The following CSMD1 variants were observed in gnomAD, a reference collection of about 807,000 sequenced individuals.
CSMD1 encodes CUB and sushi domain-containing protein 1.
CSMD1 carries 213 observed loss-of-function variants against 417.5 expected under a neutral mutation model. The ratio of observed to expected loss-of-function variants is 0.51; its 90% CI spans 0.46 to 0.57. CSMD1 has a LOEUF of 0.57. CSMD1 is among the 20% of genes least tolerant of loss of function. The probability of loss-of-function intolerance (pLI) is 0.00; values close to 1 mark genes in which losing one functional copy is unlikely to be tolerated. For synonymous variants in CSMD1, 2,862 were observed against 1,736.8 expected (o/e 1.65, Z -16.11); for missense variants, 6,923 against 4,529.7 (o/e 1.53, Z -15.17).
At chr8:4,391,199 G>C (rs577692676) in intron 3 of CSMD1, among the ~76,000 whole-genome samples, 126 of 152,264 alleles carry the variant, frequency 8.3e-4, no homozygotes, top group African/African-American at 2.9e-3. Flanking sequence ...TTCCTGAAAA[G>C]TTGCATTTCA....
chr8:3,710,056 C>T (rs552761499), intron 6 of CSMD1, among the ~76,000 whole-genome samples: 1 of 152,042 alleles, frequency 6.6e-6, no homozygotes, highest in African/African-American at 2.4e-5. Context: ...TTACCAATAA[C>T]ATAAACAGTT....
At chr8:4,045,719 C>G (rs1483338322) in intron 3 of CSMD1, among the ~76,000 whole-genome samples, 1 of 152,150 alleles carries the variant, frequency 6.6e-6, no homozygotes, top group Non-Finnish European at 1.5e-5. Context: ...GATTCAAAGA[C>G]TAAAATAAAA....
At chr8:3,744,410 G>A (rs1272023644) in intron 6 of CSMD1, among the ~76,000 whole-genome samples, 1 of 152,104 alleles carries the variant, frequency 6.6e-6, no homozygotes, top group African/African-American at 2.4e-5. Flanking sequence ...ATTACATGAG[G>A]TTTTATTCCA....
intron 3 of CSMD1, among the ~76,000 whole-genome samples, chr8:4,155,895 G>C (rs1369565053): frequency 1.3e-5 from 2 of 152,160 alleles, no homozygotes; most frequent in African/African-American, 2.4e-5. Flanking sequence ...TCTGTTCCCA[G>C]TAAGTGCGGG....
intron 4 of CSMD1, among the ~76,000 whole-genome samples, chr8:4,003,660 T>C (rs1259692603): frequency 6.6e-6 from 1 of 152,060 alleles, no homozygotes; most frequent in Non-Finnish European, 1.5e-5. Flanking sequence ...ATACGAAGAG[T>C]AAAACTGATC....
chr8:3,578,648 A>T (rs1280562139), intron 9 of CSMD1, among the ~76,000 whole-genome samples: 2 of 151,970 alleles, frequency 1.3e-5, no homozygotes, highest in African/African-American at 4.8e-5. Context: ...CTCTCTCTTC[A>T]CTCATGGACT....
At chr8:3,945,942 A>G (rs1476254351) in intron 5 of CSMD1, among the ~76,000 whole-genome samples, 2 of 152,138 alleles carry the variant, frequency 1.3e-5, no homozygotes, top group East Asian at 3.8e-4. Context: ...CATGATTATT[A>G]TTACTAATAA....
At chr8:3,384,703 T>C (rs1304824111) in intron 18 of CSMD1, among the ~76,000 whole-genome samples, 2 of 97,384 alleles carry the variant, frequency 2.1e-5, no homozygotes, top group Non-Finnish European at 3.8e-5. Context: ...ATATAAATTA[T>C]ATATAAATAT....
At chr8:4,438,877 A>G (rs1444130665) in intron 2 of CSMD1, among the ~76,000 whole-genome samples, 1 of 152,216 alleles carries the variant, frequency 6.6e-6, no homozygotes, top group Non-Finnish European at 1.5e-5. Context: ...CCTTGAAAGC[A>G]TTAGATTACC....
At chr8:4,971,456 G>C (rs535750522) in intron 1 of CSMD1, among the ~76,000 whole-genome samples, 2 of 151,876 alleles carry the variant, frequency 1.3e-5, no homozygotes, top group Admixed American at 6.6e-5. Context: ...CTTCTGAAAG[G>C]AAAGCTGGCA....
chr8:3,821,084 T>C (rs59966023), intron 5 of CSMD1, among the ~76,000 whole-genome samples: 5,503 of 151,738 alleles, frequency 0.036, 292 homozygotes, highest in African/African-American at 0.11. Flanking sequence ...ACCTGGTTAC[T>C]TTTTTGTATT....
At chr8:4,715,770 G>C (rs573585887) in intron 1 of CSMD1, among the ~76,000 whole-genome samples, 9 of 152,120 alleles carry the variant, frequency 5.9e-5, no homozygotes, top group Middle Eastern at 3.4e-3. Flanking sequence ...AGCAAATTCT[G>C]TTATCTCCCC....
chr8:3,651,709 T>A (rs1305018159), intron 7 of CSMD1, among the ~76,000 whole-genome samples: 1 of 151,922 alleles, frequency 6.6e-6, no homozygotes, highest in Non-Finnish European at 1.5e-5. Context: ...CTTACCACCA[T>A]CACAGTGCTT....
At chr8:3,822,516 A>C (rs1357744876) in intron 5 of CSMD1, among the ~76,000 whole-genome samples, 1 of 152,246 alleles carries the variant, frequency 6.6e-6, no homozygotes, top group Non-Finnish European at 1.5e-5. Context: ...CATGCACAGC[A>C]AAGTTAATTA....
In CSMD1 at chr8:4,808,381, C is replaced by G. The variant is rs80057121; in HGVS notation, c.86-170823G>C. Among the ~76,000 whole-genome samples, 67 of 152,186 alleles carry G rather than the reference C, an allele frequency of 4.4e-4. No individual in the cohort carries two copies. The East Asian group carries it at 0.011, about 26-fold the overall frequency. The stretch of plus-strand genomic sequence containing the variant: ...GTAGGGCACTATCTAGATTATAGAC[C>G]CTTTTGCTAAGTTCTGTGAATTCAA... On this transcript the variant is annotated intron_variant, in intron 1 of 69. Transcript: ENST00000635120.
intron 10 of CSMD1, among the ~76,000 whole-genome samples, chr8:3,516,266 G>A (rs149717490): frequency 7.2e-5 from 11 of 152,298 alleles, no homozygotes; most frequent in Admixed American, 1.3e-4. Context: ...CTGTGCATAG[G>A]TATGGAGCTC....
intron 3 of CSMD1, among the ~76,000 whole-genome samples, chr8:4,196,632 G>C (rs912933901): frequency 6.6e-6 from 1 of 152,130 alleles, no homozygotes; most frequent in East Asian, 1.9e-4. Context: ...GCAATGCTGG[G>C]TCCAGTCCTC....
At chr8:3,775,463 A>G (rs1276002183) in intron 5 of CSMD1, among the ~76,000 whole-genome samples, 2 of 152,194 alleles carry the variant, frequency 1.3e-5, no homozygotes, top group Non-Finnish European at 2.9e-5. Context: ...TCATTTATCA[A>G]TGATACTCAT....
intron 1 of CSMD1, among the ~76,000 whole-genome samples, chr8:4,704,318 CT>C (rs1286545728): frequency 6.6e-6 from 1 of 152,224 alleles, no homozygotes; most frequent in Non-Finnish European, 1.5e-5. Context: ...CATTGAGTGT[CT>C]TACTGTACTC....
Sources: allele counts gnomAD v4.1 joint callset (sites outside exome capture counted in the v4.1 genomes callset), GRCh38; gene constraint gnomAD v4.1.1; transcripts MANE v1.5; gene names NCBI Gene and HGNC (gene_info 2026-07-23, HGNC 2026-07-21).